Variants in ANKRD27 observed in about 807,000 individuals in gnomAD.
ANKRD27 encodes the protein ankyrin repeat domain-containing protein 27.
Under a neutral mutation model 129.7 loss-of-function variants are expected in ANKRD27, and 112 were observed. The ratio of observed to expected loss-of-function variants is 0.86; its 90% CI spans 0.74 to 1.01. The LOEUF is 1.01. ANKRD27 is among the 50% of genes least tolerant of loss of function. The probability of loss-of-function intolerance (pLI) is 0.00; values close to 1 mark genes in which losing one functional copy is unlikely to be tolerated. For synonymous variants in ANKRD27, 516 were observed against 511.2 expected (o/e 1.01, Z -0.13); for missense variants, 1,258 against 1,300.5 (o/e 0.97, Z 0.50).
chr19:32,650,750 AT>A lies in ANKRD27; in HGVS notation c.103-959del, dbSNP rs144322999. Among the ~76,000 whole-genome samples, 4 of 125,306 alleles carry A rather than the reference AT, an allele frequency of 3.2e-5. 1 individual carries two copies. Among genetic ancestry groups the A allele is most frequent in the African/African-American group, 1.3e-4 (4 of 30,416 alleles). The allele number at this position is 125,306 out of a possible 152,430, so 82.2% of individuals were successfully genotyped here. A position where few individuals can be genotyped will look rare whatever the true frequency, so the allele number is the denominator to read the frequency against. Reference sequence around the variant, plus strand: ...CTTCTATTCTTTTCTTTACGCTTTTATTTATTTTTTTTTTTTGGAGACAGTG... The same window carrying A: ...CTTCTATTCTTTTCTTTACGCTTTTATTATTTTTTTTTTTTGGAGACAGTG... On this transcript the variant is annotated intron_variant, in intron 2 of 28. Coordinates refer to ENST00000306065, the MANE Select transcript of ANKRD27 (RefSeq NM_032139.3).
chr19:32,646,404 T>C, intron 4 of ANKRD27, 55 bp downstream of exon 4: 1 of 1,552,128 alleles, frequency 6.4e-7, no homozygotes, highest in Non-Finnish European at 8.7e-7. Flanking sequence ...CAGGAACAAG[T>C]TCAACAAACA....
At chr19:32,671,823 T>C (rs768788619) in intron 1 of ANKRD27, among the ~76,000 whole-genome samples, 1 of 152,248 alleles carries the variant, frequency 6.6e-6, no homozygotes, top group African/African-American at 2.4e-5. Context: ...ATTCCATCCC[T>C]GCCTGGGCTC....
intron 22 of ANKRD27, among the ~76,000 whole-genome samples, chr19:32,608,806 C>T (rs979306270): frequency 2.6e-5 from 4 of 151,952 alleles, no homozygotes; most frequent in African/African-American, 9.7e-5. Context: ...ACAAAAATTA[C>T]CCAGGTGTGG....
In ANKRD27 at chr19:32,615,790, G is replaced by C. The variant is rs1216475148; in HGVS notation, c.2053-10C>G. Reference sequence around the variant, plus strand: ...CCAACAGGTAACGCACCTGGTGATGGAGAGTAACGGAAACAGGAACACATC... The same window carrying C: ...CCAACAGGTAACGCACCTGGTGATGCAGAGTAACGGAAACAGGAACACATC... On this transcript the variant is annotated splice_polypyrimidine_tract_variant and intron_variant, in intron 21 of 28. Transcript: ENST00000306065. 2 of 1,609,638 alleles carry C rather than the reference G, an allele frequency of 1.2e-6. No homozygotes were observed. Among genetic ancestry groups the C allele is most frequent in the South Asian group, 1.1e-5 (1 of 90,762 alleles).
chr19:32,600,197 G>A, intron 26 of ANKRD27, 147 bp from the exon 27 acceptor site: 2 of 609,764 alleles, frequency 3.3e-6, no homozygotes, highest in Non-Finnish European at 5.7e-6. Flanking sequence ...AACACAGCTA[G>A]TACCTATTTA....
intron 1 of ANKRD27, among the ~76,000 whole-genome samples, chr19:32,667,030 T>C (rs1383859733): frequency 6.6e-6 from 1 of 152,240 alleles, no homozygotes; most frequent in Non-Finnish European, 1.5e-5. Context: ...AATACCTGTC[T>C]GCAGGACTCT....
intron 1 of ANKRD27, among the ~76,000 whole-genome samples, chr19:32,659,326 C>T (rs919430589): frequency 1.3e-5 from 2 of 152,036 alleles, no homozygotes; most frequent in Non-Finnish European, 2.9e-5. Context: ...AGGTGATCTG[C>T]CCGCCTCAGC....
At chr19:32,615,121 G>T (rs554734599) in intron 22 of ANKRD27, among the ~76,000 whole-genome samples, 1 of 152,330 alleles carries the variant, frequency 6.6e-6, no homozygotes, top group East Asian at 1.9e-4. Context: ...CCAGATAGCA[G>T]CCAAAACGCT....
intron 25 of ANKRD27, among the ~76,000 whole-genome samples, chr19:32,603,168 C>T (rs1439433092): frequency 3.9e-5 from 6 of 151,946 alleles, no homozygotes; most frequent in Admixed American, 6.6e-5. Context: ...TGTGGTGCCA[C>T]GTGCCTGTAA....
intron 22 of ANKRD27, among the ~76,000 whole-genome samples, chr19:32,611,627 G>T (rs1430176713): frequency 6.6e-6 from 1 of 152,154 alleles, no homozygotes; most frequent in Non-Finnish European, 1.5e-5. Flanking sequence ...TGTTCCCCAG[G>T]CTAGAGTGCA....
chr19:32,637,617 C>G (rs1549159), intron 12 of ANKRD27: 1 of 152,184 alleles, frequency 6.6e-6, no homozygotes, highest in East Asian at 1.9e-4. Flanking sequence ...GAGCCAGGAA[C>G]AGGCAGGAGC....
rs536925843 is a variant in ANKRD27 at position 32,672,428 on chromosome 19, G to A, written c.-31+2643C>T. On this transcript the variant is annotated intron_variant, in intron 1 of 28. Transcript: ENST00000306065. ...GCGCCTGGTTCCCTGCAGAGATGGA[G>A]TAACTGCTCACCCACTTGAACAAAA... 2.6e-5 allele frequency among the ~76,000 whole-genome samples: 4 copies of A among 152,296 alleles called. No individual in the cohort carries two copies. In the South Asian group the frequency reaches 8.3e-4, roughly 32 times the overall value.
chr19:32,674,057 T>A (rs556847984), intron 1 of ANKRD27, among the ~76,000 whole-genome samples: 26 of 151,490 alleles, frequency 1.7e-4, no homozygotes, highest in African/African-American at 6.1e-4. Flanking sequence ...CTACAGAGGC[T>A]GAGGTGAAAG....
intron 18 of ANKRD27, among the ~76,000 whole-genome samples, chr19:32,620,809 C>A (rs1971997954): frequency 6.8e-6 from 1 of 147,778 alleles, no homozygotes; most frequent in South Asian, 2.1e-4. Flanking sequence ...TGCCTTGAGC[C>A]CAGGAGGCAG....
chr19:32,633,176 G>A (rs771648554), intron 12 of ANKRD27, among the ~76,000 whole-genome samples: 10 of 152,130 alleles, frequency 6.6e-5, no homozygotes, highest in Non-Finnish European at 1.3e-4. Flanking sequence ...AATCTTCAGG[G>A]AAGAATGAGC....
At chr19:32,645,622 C>T (rs998567566) in intron 4 of ANKRD27, among the ~76,000 whole-genome samples, 1 of 151,148 alleles carries the variant, frequency 6.6e-6, no homozygotes, top group African/African-American at 2.4e-5. Context: ...TATTTTTTTA[C>T]TTTTTATTTT....
chr19:32,649,548 C>T (rs532635348), intron 3 of ANKRD27, 134 bp downstream of exon 3: 1 of 685,128 alleles, frequency 1.5e-6, no homozygotes, highest in African/African-American at 1.8e-5. Context: ...CTCCAGCCCC[C>T]CACGGGGCTG....
intron 22 of ANKRD27, among the ~76,000 whole-genome samples, chr19:32,612,414 A>G (rs1759854251): frequency 6.6e-6 from 1 of 152,246 alleles, no homozygotes; most frequent in Non-Finnish European, 1.5e-5. Context: ...TCTGGGTACT[A>G]TAAGAGTGAG....
intron 1 of ANKRD27, among the ~76,000 whole-genome samples, chr19:32,663,703 T>G (rs1967689171): frequency 6.6e-6 from 1 of 152,196 alleles, no homozygotes; most frequent in Non-Finnish European, 1.5e-5. Flanking sequence ...GAAATACAAT[T>G]ATGTATATAT....
Sources: gnomAD v4.1 joint callset for allele counts (sites outside exome capture counted in the v4.1 genomes callset) on GRCh38, gnomAD v4.1.1 for gene constraint, MANE v1.5 for transcripts, NCBI Gene and HGNC (gene_info 2026-07-23, HGNC 2026-07-21) for gene names.